The following TACC2 variants were observed in gnomAD, a reference collection of about 807,000 sequenced individuals.
The protein encoded by TACC2 is transforming acidic coiled-coil-containing protein 2.
A neutral mutation model predicts 227.3 loss-of-function variants in TACC2; 137 were observed. The observed-to-expected ratio is 0.60, with a 90% CI of 0.52 to 0.69. TACC2 has a LOEUF of 0.69. Ranked by LOEUF, TACC2 falls within the 30% of genes least tolerant of loss-of-function variation. The pLI is 0.00. For missense variants in TACC2, 3,470 were observed against 3,694.4 expected (o/e 0.94, Z 1.57); for synonymous variants, 1,523 against 1,487.5 (o/e 1.02, Z -0.55).
intron 8 of TACC2, among the ~76,000 whole-genome samples, chr10:122,199,766 C>T (rs2094716833): frequency 6.6e-6 from 1 of 152,202 alleles, no homozygotes; most frequent in Admixed American, 6.5e-5. Flanking sequence ...GCTTACAGTT[C>T]TGGAGGCTGG....
At chr10:122,056,019 T>C (rs1420154193) in intron 3 of TACC2, among the ~76,000 whole-genome samples, 2 of 152,200 alleles carry the variant, frequency 1.3e-5, no homozygotes, top group Admixed American at 1.3e-4. Context: ...GAGTGGAAAC[T>C]CAACAGCCTG....
In TACC2 at chr10:122,251,758, G is replaced by T. The variant is rs555562411; in HGVS notation, c.8781+2094G>T. ...ATACTTCACAGTCATTTTGGCTATT[G>T]TAGCAGTTGAACATACAATGTTTCT... On this transcript the variant is annotated intron_variant, in intron 22 of 22. Transcript: ENST00000369005. 2.4e-4 allele frequency among the ~76,000 whole-genome samples: 37 copies of T among 152,314 alleles called. No homozygotes were observed. In the South Asian group the frequency reaches 7.7e-3, roughly 32 times the overall value.
intron 2 of TACC2, among the ~76,000 whole-genome samples, chr10:122,045,457 G>C (rs1175749654): frequency 6.6e-6 from 1 of 152,214 alleles, no homozygotes; most frequent in Non-Finnish European, 1.5e-5. Context: ...TCTGTGCCCA[G>C]TATTCTTAGC....
At chr10:122,017,281 T>G (rs1370373501) in intron 1 of TACC2, among the ~76,000 whole-genome samples, 1 of 152,088 alleles carries the variant, frequency 6.6e-6, no homozygotes, top group Non-Finnish European at 1.5e-5. Context: ...GGATTTTACA[T>G]CACAGCAGCG....
chr10:122,150,455 C>T lies in TACC2; in HGVS notation c.5834+6749C>T, dbSNP rs886840555. Among the ~76,000 whole-genome samples the T allele has an allele frequency of 6.6e-6, 1 of 152,178 alleles. No individual in the cohort carries two copies. The highest frequency in any genetic ancestry group is 1.5e-5 in the Non-Finnish European group (1 of 68,028). On this transcript the variant is annotated intron_variant, in intron 7 of 22. Coordinates refer to ENST00000369005, the MANE Select transcript of TACC2 (RefSeq NM_206862.4). The surrounding 1 kb of genome is among the most constrained non-coding windows in gnomAD (Gnocchi z 4.0). Reference sequence around the variant, plus strand: ...AGCACGGCTGCCCAGGGACGGCCCTCGGCTTCCACTTGATGGTTTTAGGTG... The same window carrying T: ...AGCACGGCTGCCCAGGGACGGCCCTTGGCTTCCACTTGATGGTTTTAGGTG...
At chr10:122,106,185 G>C (rs1309775755) in intron 5 of TACC2, among the ~76,000 whole-genome samples, 2 of 146,734 alleles carry the variant, frequency 1.4e-5, no homozygotes, top group African/African-American at 5.1e-5. Flanking sequence ...ACGGGGTTTT[G>C]CCATGTTCGC....
At chr10:122,248,397 G>T in intron 19 of TACC2, 1 of 538,260 alleles carries the variant, frequency 1.9e-6, no homozygotes, top group Non-Finnish European at 3.3e-6. Context: ...TTAAGGAATA[G>T]TAATGGCTCA....
chr10:122,193,415 G>A (rs2094472303), intron 7 of TACC2, among the ~76,000 whole-genome samples: 1 of 152,180 alleles, frequency 6.6e-6, no homozygotes, highest in African/African-American at 2.4e-5. Flanking sequence ...CAGCTGGCTG[G>A]TGGTCTTTAG....
intron 16 of TACC2, among the ~76,000 whole-genome samples, chr10:122,231,405 G>A (rs1229183682): frequency 5.9e-5 from 9 of 152,180 alleles, no homozygotes; most frequent in African/African-American, 1.7e-4. Flanking sequence ...ATTGCCGTTC[G>A]TGAGATGAGG....
At chr10:122,127,646 C>T (rs1003725989) in intron 5 of TACC2, among the ~76,000 whole-genome samples, 13 of 152,176 alleles carry the variant, frequency 8.5e-5, no homozygotes, top group African/African-American at 3.1e-4. Flanking sequence ...AGTCCCAGAA[C>T]CACCACCAGC....
intron 3 of TACC2, among the ~76,000 whole-genome samples, chr10:122,081,886 G>T (rs554339027): frequency 6.6e-6 from 1 of 152,172 alleles, no homozygotes; most frequent in Non-Finnish European, 1.5e-5. Flanking sequence ...ACCAGGAATG[G>T]CTCTTTATTT....
chr10:122,193,964 C>G (rs562924560), intron 7 of TACC2, among the ~76,000 whole-genome samples: 2 of 152,272 alleles, frequency 1.3e-5, no homozygotes, highest in East Asian at 3.9e-4. Context: ...ATCACCTAGG[C>G]TGGGATGCAC....
intron 22 of TACC2, among the ~76,000 whole-genome samples, chr10:122,251,318 C>T (rs2096250239): frequency 6.6e-6 from 1 of 152,154 alleles, no homozygotes; most frequent in Admixed American, 6.5e-5. Flanking sequence ...TGCATATGTT[C>T]AACTACCTGT....
chr10:122,004,384 C>T (rs1200095260), intron 1 of TACC2, among the ~76,000 whole-genome samples: 18 of 143,704 alleles, frequency 1.3e-4, no homozygotes, highest in South Asian at 9.0e-4. Context: ...GGCGACAGAG[C>T]GAGACTCTGT....
chr10:122,216,950 G>C, intron 11 of TACC2, 122 bp downstream of exon 11: 1 of 1,553,326 alleles, frequency 6.4e-7, no homozygotes, highest in Non-Finnish European at 8.7e-7. Context: ...TTGTGAGATC[G>C]TCTGCACGTC....
intron 5 of TACC2, among the ~76,000 whole-genome samples, chr10:122,124,385 C>A (rs2086423547): frequency 6.6e-6 from 1 of 152,192 alleles, no homozygotes; most frequent in Non-Finnish European, 1.5e-5. Flanking sequence ...GGCTCCACTG[C>A]CTGCATTTCT....
chr10:122,213,455 T>C, intron 9 of TACC2: 1 of 1,456,574 alleles, frequency 6.9e-7, no homozygotes, highest in Non-Finnish European at 9.6e-7. Context: ...TTCCAAGCCA[T>C]TTTTATTTCC....
At chr10:122,189,380 C>T (rs1327552738) in intron 7 of TACC2, among the ~76,000 whole-genome samples, 1 of 151,994 alleles carries the variant, frequency 6.6e-6, no homozygotes, top group East Asian at 1.9e-4. Flanking sequence ...GGAAGGTCTC[C>T]CTCTCTCTTC....
At chr10:122,167,895 CT>C (rs1275728577) in intron 7 of TACC2, among the ~76,000 whole-genome samples, 10 of 150,982 alleles carry the variant, frequency 6.6e-5, no homozygotes, top group Admixed American at 6.0e-4. Flanking sequence ...CTTTTTCTTT[CT>C]TTTTTTTTGA....
Sources: allele counts gnomAD v4.1 joint callset (sites outside exome capture counted in the v4.1 genomes callset), GRCh38; gene constraint gnomAD v4.1.1; non-coding constraint Gnocchi (gnomAD v3.1); transcripts MANE v1.5; gene names NCBI Gene and HGNC (gene_info 2026-07-23, HGNC 2026-07-21).